ASIC2: variants seen among roughly 807,000 people sequenced by gnomAD.
ASIC2 encodes the protein acid sensing ion channel subunit 2.
A neutral mutation model predicts 57.3 loss-of-function variants in ASIC2; 25 were observed. That is an observed-to-expected ratio of 0.44 (90% CI 0.32 to 0.61). ASIC2 has a LOEUF of 0.61. Among genes scored for constraint, ASIC2 ranks in the 20% least tolerant of loss-of-function variants. The pLI is 0.06. For synonymous variants in ASIC2, 319 were observed against 307.5 expected, an observed-to-expected ratio of 1.04 and a Z score of -0.39; for missense variants, 641 against 738.1, an observed-to-expected ratio of 0.87 and a Z score of 1.52.
At chr17:33,513,868 C>T (rs560567064) in intron 1 of ASIC2, among the ~76,000 whole-genome samples, 18 of 152,352 alleles carry the variant, frequency 1.2e-4, no homozygotes, top group East Asian at 3.9e-4. Flanking sequence ...TTGGAGGCTG[C>T]CTTCTGTTAG....
At chr17:33,722,071 C>A (rs1909405097) in intron 1 of ASIC2, among the ~76,000 whole-genome samples, 1 of 152,206 alleles carries the variant, frequency 6.6e-6, no homozygotes, top group African/African-American at 2.4e-5. Flanking sequence ...TGTGTCCCGA[C>A]CCAAATCTCA....
intron 1 of ASIC2, among the ~76,000 whole-genome samples, chr17:33,960,324 T>C (rs1009581173): frequency 2.0e-5 from 3 of 152,216 alleles, no homozygotes; most frequent in Non-Finnish European, 2.9e-5. Flanking sequence ...TAGATCTGCC[T>C]GGATGCTTCA....
chr17:33,673,883 C>T, intron 1 of ASIC2, among the ~76,000 whole-genome samples: 1 of 150,382 alleles, frequency 6.6e-6, no homozygotes, highest in Non-Finnish European at 1.5e-5. Context: ...GAGCTAAGGT[C>T]TGTGCATCCG....
chr17:33,787,104 A>G (rs1194977009), intron 1 of ASIC2, among the ~76,000 whole-genome samples: 1 of 152,208 alleles, frequency 6.6e-6, no homozygotes, highest in African/African-American at 2.4e-5. Flanking sequence ...GAAGGGGCCT[A>G]TGGTACAGGA....
chr17:34,152,649 C>T (rs1904570626), intron 1 of ASIC2, among the ~76,000 whole-genome samples: 1 of 152,196 alleles, frequency 6.6e-6, no homozygotes, highest in Non-Finnish European at 1.5e-5. Context: ...TATTGCCTCC[C>T]AACATCCCTG....
intron 1 of ASIC2, among the ~76,000 whole-genome samples, chr17:34,025,515 C>T (rs1459674556): frequency 6.6e-6 from 1 of 152,208 alleles, no homozygotes. Context: ...CACCTAGCAC[C>T]TCAGATGACC....
chr17:33,737,485 A>ATTTTTTTTTTT (rs1176628062), intron 1 of ASIC2, among the ~76,000 whole-genome samples: 2 of 151,078 alleles, frequency 1.3e-5, no homozygotes, highest in Non-Finnish European at 1.5e-5. Context: ...CGGATTAGAA[A>ATTTTTTTTTTT]TATTTTTAAT....
chr17:33,277,124 G>C (rs995915430), intron 1 of ASIC2, among the ~76,000 whole-genome samples: 3 of 152,170 alleles, frequency 2.0e-5, no homozygotes. Flanking sequence ...AAAAGTTATT[G>C]AAGTTTGAGA....
intron 3 of ASIC2, among the ~76,000 whole-genome samples, chr17:33,067,079 C>CTT (rs1211945405): frequency 6.6e-6 from 1 of 152,188 alleles, no homozygotes; most frequent in Non-Finnish European, 1.5e-5. Flanking sequence ...AGACCAGAAT[C>CTT]TTTGGCGAGC....
intron 1 of ASIC2, among the ~76,000 whole-genome samples, chr17:33,725,128 A>T (rs1408863416): frequency 6.6e-6 from 1 of 152,198 alleles, no homozygotes; most frequent in Non-Finnish European, 1.5e-5. Flanking sequence ...CTGCTTCAGC[A>T]GCTCTCAAGG....
intron 1 of ASIC2, among the ~76,000 whole-genome samples, chr17:33,490,785 G>C (rs1167615492): frequency 5.3e-5 from 8 of 152,138 alleles, no homozygotes; most frequent in Non-Finnish European, 1.2e-4. Context: ...AAAGATTTTT[G>C]TGTGTTTGTT....
rs376994030 is a variant in ASIC2, at chr17:33,242,612, C to T, written c.708+48796G>A. ...CATCCTAGCACTCCTCGCTGCCTCT[C>T]GATAAACATAAGAGCCTTAAGCCCT... On this transcript the variant is annotated intron_variant, in intron 1 of 9. Coordinates refer to ENST00000225823, the MANE Select transcript of ASIC2 (RefSeq NM_183377.2). Among the ~76,000 whole-genome samples, 96 of 152,254 alleles carry T rather than the reference C, an allele frequency of 6.3e-4. 1 individual carries two copies. Among genetic ancestry groups the T allele is most frequent in the African/African-American group, 2.2e-3 (91 of 41,556 alleles).
At chr17:33,627,486 G>C (rs1308832615) in intron 1 of ASIC2, among the ~76,000 whole-genome samples, 3 of 152,212 alleles carry the variant, frequency 2.0e-5, no homozygotes, top group Non-Finnish European at 4.4e-5. Context: ...CTAAATTCCA[G>C]CTCCCTCCTG....
intron 1 of ASIC2, among the ~76,000 whole-genome samples, chr17:34,074,130 C>T (rs973270200): frequency 6.6e-6 from 1 of 152,184 alleles, no homozygotes; most frequent in Admixed American, 6.5e-5. Context: ...TCTCAAGCCC[C>T]AACCCAGACC....
chr17:33,995,603 T>C (rs1384940914), intron 1 of ASIC2, among the ~76,000 whole-genome samples: 3 of 152,218 alleles, frequency 2.0e-5, no homozygotes, highest in Non-Finnish European at 4.4e-5. Flanking sequence ...CATATGTGTG[T>C]ATGTATATGT....
intron 1 of ASIC2, among the ~76,000 whole-genome samples, chr17:33,175,162 A>G (rs944606180): frequency 1.5e-4 from 23 of 152,280 alleles, no homozygotes; most frequent in South Asian, 8.3e-4. Context: ...AAATATCAAC[A>G]TTTCTTCTTC....
chr17:33,553,718 A>T (rs1487159588), intron 1 of ASIC2, among the ~76,000 whole-genome samples: 4 of 152,166 alleles, frequency 2.6e-5, no homozygotes, highest in South Asian at 4.1e-4. Context: ...TTCCATCTTT[A>T]ACCCAATTCA....
chr17:33,665,108 A>G (rs1907427741), intron 1 of ASIC2, among the ~76,000 whole-genome samples: 2 of 152,126 alleles, frequency 1.3e-5, no homozygotes, highest in South Asian at 4.2e-4. Context: ...AGGTCACACG[A>G]TTCCTCAATT....
At chr17:33,067,323 G>C (rs2092047602) in intron 3 of ASIC2, among the ~76,000 whole-genome samples, 1 of 152,214 alleles carries the variant, frequency 6.6e-6, no homozygotes. Flanking sequence ...GTGGGCATCT[G>C]AGAAGGCTTC....
Sources: gnomAD v4.1 joint callset for allele counts (sites outside exome capture counted in the v4.1 genomes callset) on GRCh38, gnomAD v4.1.1 for gene constraint, MANE v1.5 for transcripts, NCBI Gene and HGNC (gene_info 2026-07-23, HGNC 2026-07-21) for gene names.